Variants in TCF7L1 observed in about 807,000 individuals in gnomAD.
TCF7L1 encodes transcription factor 7 like 1, also known as transcription factor 7-like 1.
Under a neutral mutation model 63.7 loss-of-function variants are expected in TCF7L1, and 18 were observed. That is an observed-to-expected ratio of 0.28 (90% CI 0.20 to 0.42). The LOEUF is 0.42. Ranked by LOEUF, TCF7L1 falls within the 10% of genes least tolerant of loss-of-function variation. The pLI, the probability that TCF7L1 is intolerant of heterozygous loss-of-function variation, is 1.00. For synonymous variants in TCF7L1, 355 were observed against 340.9 expected, an observed-to-expected ratio of 1.04 and a Z score of -0.46; for missense variants, 654 against 779.3, an observed-to-expected ratio of 0.84 and a Z score of 1.91.
At chr2:85,179,083 G>A (rs942449201) in intron 3 of TCF7L1, among the ~76,000 whole-genome samples, 25 of 152,154 alleles carry the variant, frequency 1.6e-4, no homozygotes, top group African/African-American at 5.3e-4. Flanking sequence ...TTCCCTCCAG[G>A]GCCACTGGCT....
intron 3 of TCF7L1, among the ~76,000 whole-genome samples, chr2:85,209,039 A>G (rs988307499): frequency 5.3e-5 from 8 of 152,214 alleles, no homozygotes; most frequent in African/African-American, 1.9e-4. Flanking sequence ...GCCACATTAA[A>G]ACAGGGTGGT....
At chr2:85,232,865 C>G (rs1044537659) in intron 3 of TCF7L1, 5 of 152,216 alleles carry the variant, frequency 3.3e-5, no homozygotes, top group Admixed American at 6.5e-5. Flanking sequence ...GCTACTGTTA[C>G]AGCTTGGCAG....
rs1374814943 is a variant in TCF7L1 at position 85,133,858 on chromosome 2, G to A, written c.174G>A (p.Ala58=). The change falls in exon 1 of 12, where the codon GCG becomes GCA. Residue 58 remains alanine (A), a synonymous_variant. Transcript: ENST00000282111. The surrounding 1 kb of genome is among the most constrained non-coding windows in gnomAD (Gnocchi z 4.4). Reference sequence around the variant, plus strand: ...AGCCGAGCAGCGATAGCGCCTCGGCGCAGCGGGACCTAGACGAGGTCAAGT... The same window carrying A: ...AGCCGAGCAGCGATAGCGCCTCGGCACAGCGGGACCTAGACGAGGTCAAGT... The part of the protein sequence containing the change: ...EQEPSSDSAS[A]QRDLDEVKSS... 3 of 1,512,994 alleles carry A rather than the reference G, an allele frequency of 2.0e-6. No homozygotes were observed. The highest frequency in any genetic ancestry group is 2.7e-6 in the Non-Finnish European group (3 of 1,130,460). 93.7% of individuals were successfully genotyped at this position (1,512,994 alleles called of 1,614,324 possible).
At chr2:85,300,588 G>C (rs1681948645) in intron 4 of TCF7L1, among the ~76,000 whole-genome samples, 2 of 152,010 alleles carry the variant, frequency 1.3e-5, no homozygotes, top group South Asian at 4.1e-4. Context: ...CACTGAAAAG[G>C]AACAAGGCTG....
intron 3 of TCF7L1, among the ~76,000 whole-genome samples, chr2:85,241,503 A>G (rs1347555991): frequency 7.1e-6 from 1 of 140,316 alleles, no homozygotes; most frequent in Non-Finnish European, 1.5e-5. Context: ...GGTGAATGCA[A>G]TGGCACCATC....
chr2:85,175,083 C>T (rs974640672), intron 3 of TCF7L1, among the ~76,000 whole-genome samples: 49 of 152,308 alleles, frequency 3.2e-4, no homozygotes, highest in Middle Eastern at 3.4e-3. Flanking sequence ...GTCCCTGGCC[C>T]GCCCGGCGCA....
chr2:85,290,093 C>G (rs1188970761), intron 4 of TCF7L1, among the ~76,000 whole-genome samples: 1 of 152,044 alleles, frequency 6.6e-6, no homozygotes, highest in Admixed American at 6.6e-5. Flanking sequence ...TTCTCCCTGC[C>G]TCAGCCTCCC....
chr2:85,298,287 T>G (rs1681881283), intron 4 of TCF7L1, among the ~76,000 whole-genome samples: 1 of 149,874 alleles, frequency 6.7e-6, no homozygotes, highest in Non-Finnish European at 1.5e-5. Context: ...GGTCGAGAGA[T>G]CGAGACCATC....
intron 3 of TCF7L1, among the ~76,000 whole-genome samples, chr2:85,198,118 C>G (rs1308761117): frequency 6.6e-6 from 1 of 152,204 alleles, no homozygotes; most frequent in Non-Finnish European, 1.5e-5. Flanking sequence ...GCTTGAAAAC[C>G]AAATCAAGTT....
At chr2:85,308,770 G>T (rs1682204252) in intron 11 of TCF7L1, among the ~76,000 whole-genome samples, 1 of 152,128 alleles carries the variant, frequency 6.6e-6, no homozygotes, top group South Asian at 2.1e-4. Flanking sequence ...GGAAAGGAGG[G>T]TGGTCCTGTG....
At position 85,268,694 on chromosome 2, in the gene TCF7L1, G is replaced by A. The variant is rs1413274185; in HGVS notation, c.442-14801G>A. Among the ~76,000 whole-genome samples the A allele has an allele frequency of 2.6e-5, 4 of 151,314 alleles. No individual in the cohort carries two copies. In the South Asian group the frequency reaches 6.3e-4, roughly 24 times the overall value. The stretch of plus-strand genomic sequence containing the variant: ...TGACCTCAGGTGACCCACCCTCCTC[G>A]GTTTCCCAAAGTGCTGGGATTACAG... On this transcript the variant is annotated intron_variant, in intron 3 of 11. Coordinates refer to ENST00000282111, the MANE Select transcript of TCF7L1 (RefSeq NM_031283.3).
At chr2:85,175,927 G>A (rs553317785) in intron 3 of TCF7L1, among the ~76,000 whole-genome samples, 2 of 152,338 alleles carry the variant, frequency 1.3e-5, no homozygotes, top group Admixed American at 6.5e-5. Context: ...TCCTGAAGAC[G>A]CATTTATCAG....
Position 85,306,380 on chromosome 2 carries a change from C to G in TCF7L1, c.1149+15C>G. 6.2e-7 allele frequency: 1 copy of G among 1,613,640 alleles called. No homozygotes were observed. Among genetic ancestry groups the G allele is most frequent in the Non-Finnish European group, 8.5e-7 (1 of 1,179,542 alleles). Reference sequence around the variant, plus strand: ...TTGGAAGAAAGGTAAGACCTGCCCTCTCCCTCCAGGCCAGGGAGGCAGCGT... The same window carrying G: ...TTGGAAGAAAGGTAAGACCTGCCCTGTCCCTCCAGGCCAGGGAGGCAGCGT... On this transcript the variant is annotated intron_variant, in intron 9 of 11. Transcript: ENST00000282111. This position sits in a 1 kb window ranked among gnomAD's most constrained non-coding sequence, Gnocchi z 4.3.
At chr2:85,136,615 T>C (rs552013009) in intron 3 of TCF7L1, among the ~76,000 whole-genome samples, 1 of 152,298 alleles carries the variant, frequency 6.6e-6, no homozygotes, top group East Asian at 1.9e-4. Flanking sequence ...CCCCCATACC[T>C]ACATCTTGTC....
In TCF7L1 at chr2:85,215,926, C is replaced by T. The variant is rs183537487; in HGVS notation, c.442-67569C>T. Among the ~76,000 whole-genome samples the T allele has an allele frequency of 1.6e-3, 247 of 152,166 alleles. 1 individual carries two copies. Among genetic ancestry groups the T allele is most frequent in the African/African-American group, 5.5e-3 (228 of 41,518 alleles). On this transcript the variant is annotated intron_variant, in intron 3 of 11. Coordinates refer to ENST00000282111, the MANE Select transcript of TCF7L1 (RefSeq NM_031283.3). ...ACAGCCAAGTTCAGCCGAAGGAATC[C>T]GATACTCATAACAGAAACACCAGAG...
chr2:85,264,518 A>G (rs558694289), intron 3 of TCF7L1, among the ~76,000 whole-genome samples: 1 of 152,328 alleles, frequency 6.6e-6, no homozygotes, highest in Non-Finnish European at 1.5e-5. Context: ...GGTCATCATC[A>G]GGCCTGAACA....
At chr2:85,167,129 A>T (rs1678437777) in intron 3 of TCF7L1, 2 of 152,206 alleles carry the variant, frequency 1.3e-5, no homozygotes, top group Admixed American at 1.3e-4. Flanking sequence ...CCTTGGTTAA[A>T]GTTTTCAGCT....
chr2:85,307,755 C>T (rs1437860773), intron 11 of TCF7L1, 38 bp downstream of exon 11: 2 of 1,585,708 alleles, frequency 1.3e-6, no homozygotes, highest in Non-Finnish European at 1.7e-6. Context: ...CCTGCTTTTC[C>T]TTTTGTCACA....
At chr2:85,299,052 A>G (rs534685055) in intron 4 of TCF7L1, among the ~76,000 whole-genome samples, 1 of 147,484 alleles carries the variant, frequency 6.8e-6, no homozygotes, top group East Asian at 2.3e-4. Context: ...GGTTGGTGCA[A>G]AAGTAATTGT....
Sources: allele counts gnomAD v4.1 joint callset (sites outside exome capture counted in the v4.1 genomes callset), GRCh38; gene constraint gnomAD v4.1.1; non-coding constraint Gnocchi (gnomAD v3.1); transcripts MANE v1.5; gene names NCBI Gene and HGNC (gene_info 2026-07-23, HGNC 2026-07-21).